COMMD1: variants seen among roughly 807,000 people sequenced by gnomAD.
The protein encoded by COMMD1 is copper metabolism domain containing 1, also known as COMM domain-containing protein 1.
Under a neutral mutation model 17.2 loss-of-function variants are expected in COMMD1, and 10 were observed. The observed-to-expected ratio is 0.58, with a 90% CI of 0.36 to 0.99. The LOEUF (loss-of-function observed/expected upper bound fraction) is 0.99. Ranked by LOEUF, COMMD1 falls within the 50% of genes least tolerant of loss-of-function variation. COMMD1 has a pLI of 0.01. For missense variants in COMMD1, 270 were observed against 231.8 expected, an observed-to-expected ratio of 1.17 and a Z score of -1.07; for synonymous variants, 97 against 91.6, an observed-to-expected ratio of 1.06 and a Z score of -0.34.
intron 2 of COMMD1, among the ~76,000 whole-genome samples, chr2:62,020,214 A>G (rs552934359): frequency 1.1e-3 from 175 of 152,370 alleles, no homozygotes; most frequent in Non-Finnish European, 2.1e-3. Flanking sequence ...GTGTATGATA[A>G]CTAGTGTAGA....
intron 1 of COMMD1, among the ~76,000 whole-genome samples, chr2:61,979,696 T>C (rs1315229585): frequency 6.6e-6 from 1 of 152,188 alleles, no homozygotes; most frequent in Non-Finnish European, 1.5e-5. Context: ...GGTTCCCTTT[T>C]CTCTGTATCC....
chr2:61,899,494 T>G (rs1558514474), intron 1 of COMMD1, among the ~76,000 whole-genome samples: 2 of 152,196 alleles, frequency 1.3e-5, no homozygotes, highest in Admixed American at 6.5e-5. Flanking sequence ...TTAAATAATA[T>G]AAACTTATAT....
At chr2:61,902,828 G>A, upstream of COMMD1, among the ~76,000 whole-genome samples, 1 of 152,154 alleles carries the variant, frequency 6.6e-6, no homozygotes, top group Non-Finnish European at 1.5e-5. Flanking sequence ...CTGGGCAACA[G>A]AGTGAGACTC....
At chr2:61,985,240 C>T (rs549570330) in intron 1 of COMMD1, among the ~76,000 whole-genome samples, 9 of 151,966 alleles carry the variant, frequency 5.9e-5, no homozygotes, top group East Asian at 1.9e-4. Context: ...TTAGTAGAGA[C>T]GGGGTTTCAC....
At chr2:61,934,209 A>G (rs549302691) in intron 1 of COMMD1, among the ~76,000 whole-genome samples, 9 of 152,180 alleles carry the variant, frequency 5.9e-5, no homozygotes, top group Non-Finnish European at 1.2e-4. Context: ...ATGAAAAATA[A>G]GTTCCAGTTA....
intron 1 of COMMD1, among the ~76,000 whole-genome samples, chr2:61,958,493 C>T (rs1294212651): frequency 1.3e-5 from 2 of 152,166 alleles, no homozygotes; most frequent in East Asian, 3.8e-4. Context: ...TCTTGAACTC[C>T]TGACCTCAAA....
intron 1 of COMMD1, among the ~76,000 whole-genome samples, chr2:61,978,121 C>T (rs969612277): frequency 2.0e-5 from 3 of 151,954 alleles, no homozygotes; most frequent in African/African-American, 7.3e-5. Context: ...CATAGTGAAA[C>T]CCCACCTCTA....
At chr2:62,001,104 CT>C in intron 2 of COMMD1, 122 bp downstream of exon 2, 4 of 997,022 alleles carry the variant, frequency 4.0e-6, no homozygotes, top group Non-Finnish European at 4.5e-6. Flanking sequence ...TCCTAGAATC[CT>C]TTTTCAGAGG....
chr2:61,906,514 G>A (rs1669775353), intron 1 of COMMD1, among the ~76,000 whole-genome samples: 1 of 152,050 alleles, frequency 6.6e-6, no homozygotes, highest in Admixed American at 6.6e-5. Context: ...TCGAAATCCA[G>A]TATTTTACAC....
chr2:61,957,346 C>T (rs1310124843), intron 1 of COMMD1, among the ~76,000 whole-genome samples: 1 of 152,060 alleles, frequency 6.6e-6, no homozygotes, highest in Non-Finnish European at 1.5e-5. Flanking sequence ...GGTAGCACTT[C>T]CTGTACCCCA....
intron 2 of COMMD1, among the ~76,000 whole-genome samples, chr2:62,108,625 G>A (rs1163976982): frequency 6.6e-6 from 1 of 152,056 alleles, no homozygotes; most frequent in Non-Finnish European, 1.5e-5. Flanking sequence ...GTGATTAAGA[G>A]TCATTTTGCC....
intron 1 of COMMD1, among the ~76,000 whole-genome samples, chr2:61,924,123 G>A (rs1201628032): frequency 6.6e-6 from 1 of 152,162 alleles, no homozygotes; most frequent in African/African-American, 2.4e-5. Flanking sequence ...CTGTTTCAGT[G>A]TAGCTGCCAA....
intron 2 of COMMD1, among the ~76,000 whole-genome samples, chr2:62,113,554 T>C (rs536819774): frequency 6.6e-6 from 1 of 152,244 alleles, no homozygotes; most frequent in South Asian, 2.1e-4. Context: ...CAGCTAATTT[T>C]TGTATTTTTA....
chr2:61,932,374 G>A (rs1308518900), intron 1 of COMMD1, among the ~76,000 whole-genome samples: 2 of 152,204 alleles, frequency 1.3e-5, no homozygotes, highest in Non-Finnish European at 2.9e-5. Context: ...TAGTAAAACA[G>A]GCAGCTATAT....
chr2:61,936,818 T>A (rs977090486), intron 1 of COMMD1, among the ~76,000 whole-genome samples: 7 of 152,334 alleles, frequency 4.6e-5, no homozygotes, highest in Non-Finnish European at 8.8e-5. Flanking sequence ...TCTAAGTCAA[T>A]TTGGAAAGTT....
At chr2:62,104,652 AAAC>A (rs1672277887) in intron 2 of COMMD1, among the ~76,000 whole-genome samples, 1 of 151,428 alleles carries the variant, frequency 6.6e-6, no homozygotes, top group Non-Finnish European at 1.5e-5. Flanking sequence ...AAAAAAAAAA[AAAC>A]AATAACAACA....
intron 2 of COMMD1, among the ~76,000 whole-genome samples, chr2:62,067,424 A>G (rs1355836834): frequency 1.3e-5 from 2 of 152,158 alleles, no homozygotes; most frequent in Non-Finnish European, 2.9e-5. Flanking sequence ...GTTGTTAGAC[A>G]TTATTTTCCC....
At chr2:61,989,902 T>A (rs1023685171) in intron 1 of COMMD1, among the ~76,000 whole-genome samples, 5 of 152,186 alleles carry the variant, frequency 3.3e-5, no homozygotes, top group African/African-American at 4.8e-5. Context: ...GAGCAAGATA[T>A]AGGCCTGGCA....
rs562654844 is a variant in COMMD1, at chr2:62,008,687, A to C, written c.462+7705A>C. Among the ~76,000 whole-genome samples, 7 of 152,368 alleles carry C rather than the reference A, an allele frequency of 4.6e-5. No homozygotes were observed. The South Asian group carries it at 1.4e-3, about 32-fold the overall frequency. ...AAGAATTAGTGAAACTAGTTTTCTG[A>C]TAAGATATTCAACTATCATTTGTCA... On this transcript the variant is annotated intron_variant, in intron 2 of 2. Coordinates refer to ENST00000311832, the MANE Select transcript of COMMD1 (RefSeq NM_152516.4).
Sources: gnomAD v4.1 joint callset for allele counts (sites outside exome capture counted in the v4.1 genomes callset) on GRCh38, gnomAD v4.1.1 for gene constraint, MANE v1.5 for transcripts, NCBI Gene and HGNC (gene_info 2026-07-23, HGNC 2026-07-21) for gene names.